The following BRINP3 variants were observed in gnomAD, a reference collection of about 807,000 sequenced individuals.
The protein encoded by BRINP3 is BMP/retinoic acid inducible neural specific 3.
Under a neutral mutation model 71.0 loss-of-function variants are expected in BRINP3, and 19 were observed. The observed-to-expected ratio is 0.27, with a 90% CI of 0.19 to 0.39. BRINP3 has a LOEUF of 0.39. Among genes scored for constraint, BRINP3 ranks in the 10% least tolerant of loss-of-function variants. The pLI is 1.00. For missense variants in BRINP3, 959 were observed against 940.8 expected (o/e 1.02, Z -0.25); for synonymous variants, 380 against 337.7 (o/e 1.13, Z -1.37).
intron 5 of BRINP3, among the ~76,000 whole-genome samples, chr1:190,229,909 ATAAAT>A (rs1203114350): frequency 6.6e-6 from 1 of 152,020 alleles, no homozygotes; most frequent in African/African-American, 2.4e-5. Flanking sequence ...AACAAGAATG[ATAAAT>A]TAATTTCAAT....
At chr1:190,333,634 CTA>C (rs1558190225) in intron 2 of BRINP3, among the ~76,000 whole-genome samples, 1 of 151,864 alleles carries the variant, frequency 6.6e-6, no homozygotes, top group East Asian at 1.9e-4. Context: ...TTTTATCACT[CTA>C]TGAATAGCTT....
rs201068406 is a variant in BRINP3 at position 190,323,649 on chromosome 1, T to TA, written c.237-41900_237-41899insT. 5.4e-3 allele frequency among the ~76,000 whole-genome samples: 826 copies of TA among 151,920 alleles called. 5 individuals carry two copies. Among genetic ancestry groups the TA allele is most frequent in the African/African-American group, 0.018 (755 of 41,494 alleles). Reference sequence around the variant, plus strand: ...CTTATTTTGCATTAAGGCTGCTTATTTCACAGTTCTCTGTGGTTGAATATG... The same window carrying TA: ...CTTATTTTGCATTAAGGCTGCTTATTATCACAGTTCTCTGTGGTTGAATATG... On this transcript the variant is annotated intron_variant, in intron 2 of 7. Coordinates refer to ENST00000367462, the MANE Select transcript of BRINP3 (RefSeq NM_199051.3).
At chr1:190,465,133 G>T (rs1009560135) in intron 1 of BRINP3, among the ~76,000 whole-genome samples, 1 of 151,726 alleles carries the variant, frequency 6.6e-6, no homozygotes, top group Non-Finnish European at 1.5e-5. Context: ...GAATCACCTA[G>T]GTTTTCTGAT....
chr1:190,135,554 C>T (rs1253478633), intron 7 of BRINP3, among the ~76,000 whole-genome samples: 5 of 152,150 alleles, frequency 3.3e-5, no homozygotes, highest in South Asian at 4.1e-4. Flanking sequence ...TAATTGTGTA[C>T]ATTTCATGTT....
intron 6 of BRINP3, among the ~76,000 whole-genome samples, chr1:190,177,495 A>C (rs1460037050): frequency 6.6e-6 from 1 of 151,890 alleles, no homozygotes; most frequent in Admixed American, 6.6e-5. Flanking sequence ...ACCTACTTCT[A>C]GCACAATTTC....
In BRINP3 at chr1:190,428,128, TAAG is replaced by T. The variant is rs527942809; in HGVS notation, c.236+26524_236+26526del. On this transcript the variant is annotated intron_variant, in intron 2 of 7. Transcript: ENST00000367462. ...TTTTTTTCCTCAGTAGGAAAAAACATAAGAATAGTTTTTTGGTTATGAGATATT... is the reference window on the plus strand; with the variant it reads ...TTTTTTTCCTCAGTAGGAAAAAACATAATAGTTTTTTGGTTATGAGATATT... Among the ~76,000 whole-genome samples, 105 of 151,868 alleles carry T rather than the reference TAAG, an allele frequency of 6.9e-4. 2 individuals carry two copies. In the East Asian group the frequency reaches 0.02, roughly 28 times the overall value.
intron 2 of BRINP3, among the ~76,000 whole-genome samples, chr1:190,304,852 C>A (rs369622062): frequency 5.9e-5 from 9 of 151,834 alleles, no homozygotes; most frequent in Non-Finnish European, 1.2e-4. Context: ...AAAATATCTG[C>A]AAACCATCCA....
intron 6 of BRINP3, among the ~76,000 whole-genome samples, chr1:190,196,818 C>T (rs1654523284): frequency 6.6e-6 from 1 of 151,648 alleles, no homozygotes; most frequent in Non-Finnish European, 1.5e-5. Context: ...TGAGTGGAGT[C>T]CAGATAGTCA....
At chr1:190,313,725 T>A (rs192456771) in intron 2 of BRINP3, among the ~76,000 whole-genome samples, 95 of 152,124 alleles carry the variant, frequency 6.2e-4, no homozygotes, top group African/African-American at 2.2e-3. Context: ...TCTTCTTATA[T>A]TTCAAATGAG....
intron 2 of BRINP3, among the ~76,000 whole-genome samples, chr1:190,389,227 G>A (rs897464357): frequency 6.6e-6 from 1 of 151,560 alleles, no homozygotes; most frequent in Non-Finnish European, 1.5e-5. Context: ...ACCAAAATTT[G>A]ATGTTTGTAC....
chr1:190,452,458 A>G (rs997568684), intron 2 of BRINP3, among the ~76,000 whole-genome samples: 1 of 152,214 alleles, frequency 6.6e-6, no homozygotes, highest in Non-Finnish European at 1.5e-5. Flanking sequence ...TAAAAACCAA[A>G]CAGAATATAT....
chr1:190,284,636 C>G (rs947086724), intron 2 of BRINP3, among the ~76,000 whole-genome samples: 1 of 152,014 alleles, frequency 6.6e-6, no homozygotes. Context: ...TTCCAGAGAG[C>G]TTCCTTCAGC....
Position 190,226,197 on chromosome 1 carries a change from A to T in BRINP3, c.846T>A (p.Cys282Ter). The change falls in exon 6 of 8, where the codon TGT becomes TGA. Residue 282 changes from cysteine to a stop codon, truncating the protein, a stop_gained. Transcript: ENST00000367462. LOFTEE classifies it high-confidence loss of function. ...AGTTGCATTCTGGAAATTTGGGACC[A>T]CAGTGACACCAGCAGTCATTTTCCT... ...ICKENDCWCH[C>*]GPKFPECNCP... 1 of 1,612,818 alleles carries T rather than the reference A, an allele frequency of 6.2e-7. No individual in the cohort carries two copies. Among genetic ancestry groups the T allele is most frequent in the Non-Finnish European group, 8.5e-7 (1 of 1,179,204 alleles).
intron 7 of BRINP3, among the ~76,000 whole-genome samples, chr1:190,133,967 CAAAA>C (rs1031093739): frequency 6.6e-6 from 1 of 151,960 alleles, no homozygotes; most frequent in African/African-American, 2.4e-5. Flanking sequence ...GCAAAACAAA[CAAAA>C]AACCCCAAAA....
At chr1:190,434,344 G>C (rs1389382220) in intron 2 of BRINP3, among the ~76,000 whole-genome samples, 1 of 151,746 alleles carries the variant, frequency 6.6e-6, no homozygotes, top group Non-Finnish European at 1.5e-5. Context: ...TCCTGACCTC[G>C]GGTGATCTGC....
At chr1:190,354,286 G>A (rs909850790) in intron 2 of BRINP3, among the ~76,000 whole-genome samples, 12 of 151,866 alleles carry the variant, frequency 7.9e-5, no homozygotes, top group Non-Finnish European at 1.3e-4. Context: ...GCTGAAAATG[G>A]GGTGCTAGTG....
intron 2 of BRINP3, among the ~76,000 whole-genome samples, chr1:190,367,919 G>A (rs956644376): frequency 2.0e-5 from 3 of 152,168 alleles, no homozygotes; most frequent in South Asian, 2.1e-4. Flanking sequence ...TGTCTTCTGA[G>A]CCTCCATGTC....
chr1:190,376,139 G>A (rs1362069425), intron 2 of BRINP3, among the ~76,000 whole-genome samples: 1 of 151,814 alleles, frequency 6.6e-6, no homozygotes, highest in Non-Finnish European at 1.5e-5. Context: ...GGTTTAGTAG[G>A]CATAATTTAT....
At chr1:190,254,417 C>A (rs900364656) in intron 4 of BRINP3, among the ~76,000 whole-genome samples, 5 of 151,688 alleles carry the variant, frequency 3.3e-5, no homozygotes, top group Non-Finnish European at 7.4e-5. Flanking sequence ...ATGGAATGTT[C>A]TTCCATTGGT....
Sources: allele counts gnomAD v4.1 joint callset (sites outside exome capture counted in the v4.1 genomes callset), GRCh38; gene constraint gnomAD v4.1.1; transcripts MANE v1.5; gene names NCBI Gene and HGNC (gene_info 2026-07-23, HGNC 2026-07-21).